The following REV3L variants were observed in gnomAD, a reference collection of about 807,000 sequenced individuals.
REV3L encodes the protein DNA polymerase zeta catalytic subunit.
Under a neutral mutation model 299.4 loss-of-function variants are expected in REV3L, and 69 were observed. The observed-to-expected ratio is 0.23, with a 90% CI of 0.19 to 0.28. The LOEUF (loss-of-function observed/expected upper bound fraction) is 0.28. Among genes scored for constraint, REV3L ranks in the 10% least tolerant of loss-of-function variants. The probability of loss-of-function intolerance (pLI) is 1.00; values close to 1 mark genes in which losing one functional copy is unlikely to be tolerated. For missense variants in REV3L, 3,128 were observed against 3,693.8 expected (o/e 0.85, Z 3.97); for synonymous variants, 1,238 against 1,271.4 (o/e 0.97, Z 0.56).
chr6:111,345,241 T>G (rs2300660), intron 20 of REV3L, among the ~76,000 whole-genome samples: 2 of 152,008 alleles, frequency 1.3e-5, no homozygotes, highest in African/African-American at 4.8e-5. Context: ...GATGAAAACA[T>G]GAAAATGAGA....
chr6:111,374,940 TTTC>T lies in REV3L; in HGVS notation c.3412_3414del (p.Glu1138del), dbSNP rs1780151620. The T allele has an allele frequency of 6.2e-7, 1 of 1,612,998 alleles. No individual in the cohort carries two copies. On this transcript the variant is annotated inframe_deletion, in exon 13 of 32. Transcript: ENST00000368802. ...GCCTCTTTTTCTGCAGCAGCCATGA[TTTC>T]TTCAGCTCTTGGATCTGTGGGAGAC... is the stretch of plus-strand genomic sequence containing the variant.
chr6:111,363,402 A>C (rs1778894407), intron 16 of REV3L, among the ~76,000 whole-genome samples: 1 of 151,986 alleles, frequency 6.6e-6, no homozygotes, highest in Admixed American at 6.6e-5. Flanking sequence ...AACTCCCAGG[A>C]TCAAGTGATC....
At position 111,310,038 on chromosome 6, in the gene REV3L, T is replaced by C. The variant is rs968521640; in HGVS notation, c.8857A>G (p.Ile2953Val). 8.1e-6 allele frequency: 13 copies of C among 1,612,012 alleles called. No homozygotes were observed. The highest frequency in any genetic ancestry group is 1.1e-5 in the South Asian group (1 of 90,728). ...GGTACTCCGGGGGTCCCATAAATGA[T>C]GACGTATGGCACTCGCTCCCCAACC... ...PQVGERVPYV[I>V]IYGTPGVPLI... The change falls in exon 30 of 32, where the codon ATC (isoleucine) becomes GTC (valine). Residue 2953 changes from isoleucine (I) to valine (V), a missense_variant. Transcript: ENST00000368802.
chr6:111,351,891 T>G (rs1777602027), intron 18 of REV3L, 100 bp from the exon 19 acceptor site: 1 of 731,980 alleles, frequency 1.4e-6, no homozygotes, highest in Non-Finnish European at 2.2e-6. Flanking sequence ...AACAAAAACC[T>G]ATGTTCTCTA....
chr6:111,362,466 CAT>C, intron 16 of REV3L, among the ~76,000 whole-genome samples: 1 of 152,190 alleles, frequency 6.6e-6, no homozygotes, highest in South Asian at 2.1e-4. Context: ...AAAGCAAAGA[CAT>C]AAAGTGACTG....
At chr6:111,452,758 C>T (rs1046609198) in intron 1 of REV3L, among the ~76,000 whole-genome samples, 3 of 152,054 alleles carry the variant, frequency 2.0e-5, no homozygotes, top group African/African-American at 7.2e-5. Context: ...TGTCATAACT[C>T]GTCTAATTGG....
At chr6:111,404,404 C>G (rs1783407198) in intron 4 of REV3L, among the ~76,000 whole-genome samples, 1 of 152,230 alleles carries the variant, frequency 6.6e-6, no homozygotes, top group South Asian at 2.1e-4. Flanking sequence ...TACAAGACGA[C>G]TAATGTTGGT....
At chr6:111,452,320 T>A (rs1280434810) in intron 1 of REV3L, among the ~76,000 whole-genome samples, 1 of 152,110 alleles carries the variant, frequency 6.6e-6, no homozygotes, top group Non-Finnish European at 1.5e-5. Flanking sequence ...TGAAGTAAAC[T>A]TACCATTCAA....
intron 25 of REV3L, among the ~76,000 whole-genome samples, chr6:111,327,716 A>C (rs1774987842): frequency 6.6e-6 from 1 of 152,196 alleles, no homozygotes; most frequent in African/African-American, 2.4e-5. Flanking sequence ...ATACAAATAT[A>C]AACCTAGATA....
At position 111,415,994 on chromosome 6, in the gene REV3L, C is replaced by T. The variant is rs189967310; in HGVS notation, c.329+289G>A. 2.3e-3 allele frequency among the ~76,000 whole-genome samples: 348 copies of T among 152,156 alleles called. 2 individuals are homozygous for T. Among genetic ancestry groups the T allele is most frequent in the African/African-American group, 8.0e-3 (333 of 41,514 alleles). On this transcript the variant is annotated intron_variant, in intron 2 of 31. Transcript: ENST00000368802. ...CAAACGCCTAGAACAGTGCTTAGCA[C>T]ATAAAAAGTATTTAAGAAATATTTG...
chr6:111,335,276 CT>C (rs886173378), intron 22 of REV3L, among the ~76,000 whole-genome samples, 192 bp downstream of exon 22: 1 of 152,088 alleles, frequency 6.6e-6, no homozygotes, highest in Non-Finnish European at 1.5e-5. Flanking sequence ...CATTTATTTT[CT>C]TAATACCATA....
intron 21 of REV3L, among the ~76,000 whole-genome samples, chr6:111,343,557 T>A (rs1345365612): frequency 2.0e-5 from 3 of 152,142 alleles, no homozygotes; most frequent in Non-Finnish European, 4.4e-5. Flanking sequence ...TGAGATAGAG[T>A]CTCACTCTGT....
At chr6:111,359,508 A>C (rs1476715941) in intron 16 of REV3L, among the ~76,000 whole-genome samples, 1 of 122,542 alleles carries the variant, frequency 8.2e-6, no homozygotes, top group African/African-American at 3.1e-5. Flanking sequence ...ATTTTTAATT[A>C]TAGTTTTTCC....
chr6:111,319,461 G>A (rs1773896142), intron 26 of REV3L, among the ~76,000 whole-genome samples: 1 of 150,964 alleles, frequency 6.6e-6, no homozygotes, highest in Non-Finnish European at 1.5e-5. Context: ...GCGAGATTCT[G>A]TCTCAGGAAA....
At chr6:111,324,903 C>T (rs1053905563) in intron 25 of REV3L, among the ~76,000 whole-genome samples, 51 of 151,896 alleles carry the variant, frequency 3.4e-4, no homozygotes, top group Non-Finnish European at 5.4e-4. Flanking sequence ...ACTCTGTCGC[C>T]CAGGCTGGAG....
rs142239647 is a variant in REV3L, at chr6:111,451,618, T to C, written c.139+31132A>G. Among the ~76,000 whole-genome samples the C allele has an allele frequency of 7.3e-4, 111 of 152,192 alleles. 1 individual carries two copies. The highest frequency in any genetic ancestry group is 7.2e-4 in the Admixed American group (11 of 15,282). The stretch of plus-strand genomic sequence containing the variant: ...ACTCTGCCTATATTTAAAGCAAATT[T>C]TGGGCCCAATACCGAAGGGAATTTT... On this transcript the variant is annotated intron_variant, in intron 1 of 31. Transcript: ENST00000368802.
chr6:111,440,349 G>A (rs1234290350), intron 1 of REV3L, among the ~76,000 whole-genome samples: 2 of 152,172 alleles, frequency 1.3e-5, no homozygotes, highest in African/African-American at 2.4e-5. Flanking sequence ...GATTACAGGC[G>A]TGAGCCACCA....
intron 16 of REV3L, among the ~76,000 whole-genome samples, chr6:111,361,765 A>T (rs1778705959): frequency 6.6e-6 from 1 of 152,300 alleles, no homozygotes; most frequent in East Asian, 1.9e-4. Flanking sequence ...ATGGAAACAG[A>T]GGGAGAAAAT....
chr6:111,409,042 C>T (rs1349724713), intron 3 of REV3L, among the ~76,000 whole-genome samples: 2 of 152,120 alleles, frequency 1.3e-5, no homozygotes, highest in Non-Finnish European at 2.9e-5. Context: ...TTGTTTTAAA[C>T]TATATTTTTC....
Sources: gnomAD v4.1 joint callset for allele counts (sites outside exome capture counted in the v4.1 genomes callset) on GRCh38, gnomAD v4.1.1 for gene constraint, MANE v1.5 for transcripts, NCBI Gene and HGNC (gene_info 2026-07-23, HGNC 2026-07-21) for gene names.